AGAP2: variants seen among roughly 807,000 people sequenced by gnomAD.
The protein encoded by AGAP2 is ArfGAP with GTPase domain, ankyrin repeat and PH domain 2, also known as arf-GAP with GTPase, ANK repeat and PH domain-containing protein 2.
AGAP2 carries 32 observed loss-of-function variants against 110.9 expected under a neutral mutation model. The ratio of observed to expected loss-of-function variants is 0.29; its 90% CI spans 0.22 to 0.39. The LOEUF (loss-of-function observed/expected upper bound fraction) is 0.39, where lower values mean the gene tolerates loss of function less well. Ranked by LOEUF, AGAP2 falls within the 10% of genes least tolerant of loss-of-function variation. AGAP2 has a pLI of 1.00. For missense variants in AGAP2, 1,285 were observed against 1,638.5 expected, an observed-to-expected ratio of 0.78 and a Z score of 3.72; for synonymous variants, 702 against 713.0, an observed-to-expected ratio of 0.98 and a Z score of 0.25.
chr12:57,732,358 C>T (rs1163744860), intron 7 of AGAP2, 45 bp downstream of exon 7: 4 of 1,527,046 alleles, frequency 2.6e-6, no homozygotes, highest in Admixed American at 3.9e-5. Context: ...CCCAGCCCCT[C>T]TGCATCTTAC....
chr12:57,727,043 T>C lies in AGAP2; in HGVS notation c.3267A>G (p.Pro1089=). 6.2e-7 allele frequency: 1 copy of C among 1,608,564 alleles called. No homozygotes were observed. The change falls in exon 18 of 19, where the codon CCA becomes CCG. Residue 1089 remains proline (P), a synonymous_variant. Coordinates refer to ENST00000547588, the MANE Select transcript of AGAP2 (RefSeq NM_001122772.3). ...CCAGGTGGAGTGGGGAGCGCAGCTG[T>C]GGGTCCTCTACGCTGGTGTCGAGCG... ...HGPLDTSVED[P]QLRSPLHLAA...
intron 1 of AGAP2, among the ~76,000 whole-genome samples, chr12:57,736,149 C>T (rs1430179379): frequency 6.6e-6 from 1 of 151,794 alleles, no homozygotes; most frequent in Non-Finnish European, 1.5e-5. Context: ...CGGGGCGCCG[C>T]AGCTGCGGCG....
At position 57,737,658 on chromosome 12, in the gene AGAP2, C is replaced by T. The variant is rs770261213; in HGVS notation, c.589G>A (p.Gly197Arg). The T allele has an allele frequency of 6.5e-7, 1 of 1,547,944 alleles. No individual in the cohort carries two copies. The highest frequency in any genetic ancestry group is 1.2e-5 in the South Asian group (1 of 84,106). ...CCCTTGCCCCCGCCGGCTTTGGCTCCACTCGTGGTCACGGTCTTGCAAGGC... is the reference window on the plus strand; with the variant it reads ...CCCTTGCCCCCGCCGGCTTTGGCTCTACTCGTGGTCACGGTCTTGCAAGGC... ...PKPCKTVTTS[G>R]AKAGGGKGAG... The change falls in exon 1 of 19, where the codon GGA becomes AGA. Residue 197 changes from glycine (G) to arginine (R), a missense_variant. Gly to Arg is a moderately radical substitution (Grantham distance 125). Coordinates refer to ENST00000547588, the MANE Select transcript of AGAP2 (RefSeq NM_001122772.3). The surrounding 1 kb of genome is among the most constrained non-coding windows in gnomAD (Gnocchi z 5.9).
chr12:57,735,369 C>T lies in AGAP2; in HGVS notation c.1227G>A (p.Leu409=). Reference sequence around the variant, plus strand: ...TAGGCAAGGGGACTGGGTTACCTACCAGGCGCAGTTCAGGAATGGAGCGGC... The same window carrying T: ...TAGGCAAGGGGACTGGGTTACCTACTAGGCGCAGTTCAGGAATGGAGCGGC... ...TLSRSIPELR[L]GVLGDARSGK... Residue 409 remains leucine, a splice_region_variant and synonymous_variant, in exon 2 of 19, where the codon CTG becomes CTA. Coordinates refer to ENST00000547588, the MANE Select transcript of AGAP2 (RefSeq NM_001122772.3). 2.5e-6 allele frequency: 4 copies of T among 1,613,876 alleles called. No individual in the cohort carries two copies. Among genetic ancestry groups the T allele is most frequent in the Non-Finnish European group, 3.4e-6 (4 of 1,179,942 alleles).
At position 57,737,083 on chromosome 12, in the gene AGAP2, G is replaced by C; in HGVS notation, c.1164C>G (p.Ser388=). The C allele has an allele frequency of 6.5e-7, 1 of 1,531,716 alleles. No homozygotes were observed. The highest frequency in any genetic ancestry group is 8.8e-7 in the Non-Finnish European group (1 of 1,139,976). The allele number at this position is 1,531,716 out of a possible 1,614,324, so 94.9% of individuals were successfully genotyped here. ...RELLGAELRA[S]PKAVINSQEW... ...TCAAGCCCTGACTCAACTCACTAGG[G>C]GAAGCGCGGAGCTCGGCGCCCAGCA... Residue 388 remains serine, a synonymous_variant, in exon 1 of 19, where the codon TCC becomes TCG. Transcript: ENST00000547588. This position sits in a 1 kb window ranked among gnomAD's most constrained non-coding sequence, Gnocchi z 5.9.
chr12:57,731,297 G>A (rs1310500816), intron 10 of AGAP2, 69 bp downstream of exon 10: 2 of 1,304,298 alleles, frequency 1.5e-6, no homozygotes, highest in African/African-American at 2.9e-5. Flanking sequence ...TGCTTTGTCA[G>A]AGGCATAGAC....
At position 57,735,381 on chromosome 12, in the gene AGAP2, A is replaced by G. The variant is rs1348313910; in HGVS notation, c.1215T>C (p.Pro405=). ...CTGGGTTACCTACCAGGCGCAGTTC[A>G]GGAATGGAGCGGCTCAAAGTCCATT... The part of the protein sequence containing the change: ...SQEWTLSRSI[P]ELRLGVLGDA... The change falls in exon 2 of 19, where the codon CCT becomes CCC. Residue 405 remains proline, a synonymous_variant. Coordinates refer to ENST00000547588, the MANE Select transcript of AGAP2 (RefSeq NM_001122772.3). The G allele has an allele frequency of 2.5e-6, 4 of 1,613,872 alleles. No individual in the cohort carries two copies. The highest frequency in any genetic ancestry group is 3.4e-6 in the Non-Finnish European group (4 of 1,179,990).
intron 6 of AGAP2, 79 bp downstream of exon 6, chr12:57,732,766 G>A (rs1954910593): frequency 2.5e-6 from 4 of 1,587,642 alleles, no homozygotes; most frequent in Non-Finnish European, 3.4e-6. Context: ...ACAGAGAGAG[G>A]CCTGGATGCC....
chr12:57,735,532 C>A, intron 1 of AGAP2, 105 bp from the exon 2 acceptor site: 1 of 1,049,128 alleles, frequency 9.5e-7, no homozygotes, highest in Non-Finnish European at 1.4e-6. Context: ...CCCCCCCAAC[C>A]CTGCCTGCAC....
intron 15 of AGAP2, 64 bp downstream of exon 15, chr12:57,727,873 C>A (rs769312375): frequency 1.8e-5 from 29 of 1,606,596 alleles, no homozygotes; most frequent in Non-Finnish European, 2.5e-5. Flanking sequence ...GTGTCGTTGC[C>A]AATGGCCGTC....
rs1235490363 is a variant in AGAP2 at position 57,734,677 on chromosome 12, A to G, written c.1230T>C (p.Gly410=). 6.2e-7 allele frequency: 1 copy of G among 1,613,958 alleles called. No homozygotes were observed. The highest frequency in any genetic ancestry group is 1.3e-5 in the African/African-American group (1 of 74,908). ...TCCCACTCCTGGCATCGCCCAGCAC[A>G]CCCTGAGGGCAAGGTTGTGGAGCAG... ...LSRSIPELRL[G]VLGDARSGKS... Residue 410 remains glycine (G), a splice_region_variant and synonymous_variant, in exon 3 of 19, where the codon GGT becomes GGC. Transcript: ENST00000547588.
Position 57,732,499 on chromosome 12 carries a change from C to A in AGAP2, c.1698G>T (p.Val566=). The change falls in exon 7 of 19, where the codon GTG becomes GTT. Residue 566 remains valine, a synonymous_variant. Coordinates refer to ENST00000547588, the MANE Select transcript of AGAP2 (RefSeq NM_001122772.3). ...DRVFQEVAQK[V]VTLRKQQQLL... Reference sequence around the variant, plus strand: ...GCTGTTGCTGCTTGCGCAAGGTCACCACCTTCTGGGCCACTGAGGGGAGTT... The same window carrying A: ...GCTGTTGCTGCTTGCGCAAGGTCACAACCTTCTGGGCCACTGAGGGGAGTT... The A allele has an allele frequency of 6.3e-7, 1 of 1,586,396 alleles. No homozygotes were observed.
chr12:57,727,714 C>A lies in AGAP2; in HGVS notation c.2824G>T (p.Gly942Trp). The change falls in exon 16 of 19, where the codon GGG becomes TGG. Residue 942 changes from glycine to tryptophan, a missense_variant. Gly to Trp is a radical substitution (Grantham distance 184). Transcript: ENST00000547588. ...CCGCAGTCCACGCAGATTGAATTCC[C>A]CTTGGCGTTCCGGATCGCCTGGATG... ...VAIQAIRNAK[G>W]NSICVDCGAP... The A allele has an allele frequency of 6.2e-7, 1 of 1,604,136 alleles. No individual in the cohort carries two copies. The highest frequency in any genetic ancestry group is 2.2e-5 in the East Asian group (1 of 44,718).
intron 12 of AGAP2, 130 bp downstream of exon 12, chr12:57,730,365 T>C: frequency 8.0e-7 from 1 of 1,253,702 alleles, no homozygotes; most frequent in Non-Finnish European, 1.1e-6. Context: ...ATTGAACTTA[T>C]TCATGTGTGG....
chr12:57,728,307 C>G lies in AGAP2; in HGVS notation c.2617+11G>C, dbSNP rs1014981347. ...CCAGCTGAGCGCCCCTCCCGGCTCC[C>G]CACTTGTTACCTGCTTTATAAATAT... On this transcript the variant is annotated intron_variant, in intron 14 of 18. Coordinates refer to ENST00000547588, the MANE Select transcript of AGAP2 (RefSeq NM_001122772.3). 1.9e-6 allele frequency: 3 copies of G among 1,613,686 alleles called. No homozygotes were observed. Among genetic ancestry groups the G allele is most frequent in the Non-Finnish European group, 2.5e-6 (3 of 1,179,772 alleles).
At chr12:57,736,663 GC>G (rs34482618) in intron 1 of AGAP2, among the ~76,000 whole-genome samples, 7 of 152,218 alleles carry the variant, frequency 4.6e-5, no homozygotes, top group African/African-American at 1.7e-4. Flanking sequence ...CATGCCACCT[GC>G]CCCAAGTGCT....
chr12:57,731,819 C>T lies in AGAP2; in HGVS notation c.1943G>A (p.Ser648Asn). 6.4e-7 allele frequency: 1 copy of T among 1,573,800 alleles called. No individual in the cohort carries two copies. Among genetic ancestry groups the T allele is most frequent in the Non-Finnish European group, 8.6e-7 (1 of 1,159,864 alleles). Reference protein sequence around the residue: ...SLHRAAKRRTSLFANRRGSDS... With the variant: ...SLHRAAKRRTNLFANRRGSDS... Reference sequence around the variant, plus strand: ...GTCCATGTCCAATACCGCAAAAAGGCTGGTCCTGCGCTTGGCTGCCCGGTG... The same window carrying T: ...GTCCATGTCCAATACCGCAAAAAGGTTGGTCCTGCGCTTGGCTGCCCGGTG... Residue 648 changes from serine to asparagine, a missense_variant, in exon 8 of 19, where the codon AGC becomes AAC. Ser to Asn is a conservative substitution (Grantham distance 46). Transcript: ENST00000547588.
chr12:57,726,410 CTGTGCCCTCGTGGGGGT>C lies in AGAP2; in HGVS notation c.*125_*141del. On this transcript the variant is annotated 3_prime_UTR_variant, in exon 19 of 19. Transcript: ENST00000547588. This position sits in a 1 kb window ranked among gnomAD's most constrained non-coding sequence, Gnocchi z 5.7. ...TTGTGTCTTCTGGAAGGCGTGGGGG[CTGTGCCCTCGTGGGGGT>C]AGGAAGTGCTCCCGTGGGGCGGGGT... 1.2e-6 allele frequency: 1 copy of C among 828,774 alleles called. No homozygotes were observed. The highest frequency in any genetic ancestry group is 1.5e-6 in the Non-Finnish European group (1 of 648,136). 51.3% of individuals were successfully genotyped at this position (828,774 alleles called of 1,614,324 possible).
intron 12 of AGAP2, 139 bp downstream of exon 12, chr12:57,730,356 T>C (rs1845354105): frequency 5.1e-6 from 6 of 1,172,168 alleles, no homozygotes; most frequent in Non-Finnish European, 7.3e-6. Flanking sequence ...CATGGTATGA[T>C]TGAACTTATT....
Sources: gnomAD v4.1 joint callset for allele counts (sites outside exome capture counted in the v4.1 genomes callset) on GRCh38, gnomAD v4.1.1 for gene constraint, Gnocchi (gnomAD v3.1) non-coding constraint, MANE v1.5 for transcripts, NCBI Gene and HGNC (gene_info 2026-07-23, HGNC 2026-07-21) for gene names.